CPD: variants seen among roughly 807,000 people sequenced by gnomAD.
CPD encodes the protein metallocarboxypeptidase D.
A neutral mutation model predicts 138.3 loss-of-function variants in CPD; 69 were observed. The observed-to-expected ratio is 0.50, with a 90% CI of 0.41 to 0.61. The LOEUF (loss-of-function observed/expected upper bound fraction) is 0.61, where lower values mean the gene tolerates loss of function less well. CPD is among the 20% of genes least tolerant of loss of function. CPD has a pLI of 0.00. For synonymous variants in CPD, 651 were observed against 642.1 expected (o/e 1.01, Z -0.21); for missense variants, 1,432 against 1,733.3 (o/e 0.83, Z 3.09).
chr17:30,389,623 G>A (rs1403538005), intron 2 of CPD, among the ~76,000 whole-genome samples: 1 of 152,206 alleles, frequency 6.6e-6, no homozygotes, highest in African/African-American at 2.4e-5. Flanking sequence ...GAAGGTAAAT[G>A]TATCTCATAC....
intron 13 of CPD, 43 bp from the exon 14 acceptor site, chr17:30,451,668 C>T (rs1246794754): frequency 6.3e-7 from 1 of 1,593,170 alleles, no homozygotes; most frequent in Non-Finnish European, 8.6e-7. Context: ...CCCATTGATT[C>T]TACATGCAGC....
In CPD at chr17:30,455,366, C is replaced by G. The variant is rs774115299; in HGVS notation, c.3233C>G (p.Ala1078Gly). Residue 1078 changes from alanine (A) to glycine (G), a missense_variant, in exon 15 of 21, where the codon GCC becomes GGC. By Grantham distance (60) the Ala-to-Gly change is moderately conservative. This residue lies in a region of CPD where 366 missense variants were observed against 518.8 expected (regional missense o/e 0.71). Coordinates refer to ENST00000225719, the MANE Select transcript of CPD (RefSeq NM_001304.5). ...AATGCCTCCCAACCTGAGACCAAAG[C>G]CATCATTGAAAATTTGATTCAAAAA... ...TNNASQPETKAIIENLIQKQD... is the reference protein window; with the variant it reads ...TNNASQPETKGIIENLIQKQD... 3.1e-6 allele frequency: 5 copies of G among 1,613,014 alleles called. No individual in the cohort carries two copies. The highest frequency in any genetic ancestry group is 2.2e-5 in the East Asian group (1 of 44,814).
chr17:30,448,977 G>A (rs1567881968), intron 12 of CPD, among the ~76,000 whole-genome samples: 1 of 151,988 alleles, frequency 6.6e-6, no homozygotes, highest in South Asian at 2.1e-4. Context: ...GCATGGTGGT[G>A]CAAACCTGTA....
At chr17:30,433,020 A>G (rs1360028332) in intron 8 of CPD, among the ~76,000 whole-genome samples, 1 of 152,148 alleles carries the variant, frequency 6.6e-6, no homozygotes, top group Non-Finnish European at 1.5e-5. Context: ...TAGTATTGTT[A>G]TTGGTTATAT....
chr17:30,388,263 C>T (rs548862453), intron 2 of CPD, among the ~76,000 whole-genome samples: 2 of 152,314 alleles, frequency 1.3e-5, no homozygotes, highest in South Asian at 2.1e-4. Flanking sequence ...GACTGGCAGC[C>T]TGGCCCCCAG....
chr17:30,434,533 G>T (rs1912649036), intron 8 of CPD, among the ~76,000 whole-genome samples: 1 of 152,102 alleles, frequency 6.6e-6, no homozygotes, highest in Non-Finnish European at 1.5e-5. Flanking sequence ...ACAGGGAAGA[G>T]ATTTCAAAAT....
chr17:30,403,649 T>C (rs1467161011), intron 2 of CPD, among the ~76,000 whole-genome samples: 3 of 152,178 alleles, frequency 2.0e-5, no homozygotes, highest in Non-Finnish European at 4.4e-5. Context: ...ATGAGCAACT[T>C]GTTAGGTGAT....
chr17:30,427,786 T>C (rs879497318), intron 7 of CPD, among the ~76,000 whole-genome samples: 1 of 151,884 alleles, frequency 6.6e-6, no homozygotes, highest in Non-Finnish European at 1.5e-5. Context: ...CTTCTCCTTT[T>C]ACCCCCATCT....
intron 2 of CPD, among the ~76,000 whole-genome samples, chr17:30,386,581 G>A (rs915186203): frequency 1.3e-5 from 2 of 151,956 alleles, no homozygotes; most frequent in Non-Finnish European, 2.9e-5. Flanking sequence ...AACTCGGTAG[G>A]CATTAAATAA....
intron 17 of CPD, among the ~76,000 whole-genome samples, chr17:30,457,539 T>C (rs1345583696): frequency 6.6e-6 from 1 of 152,230 alleles, no homozygotes; most frequent in Non-Finnish European, 1.5e-5. Flanking sequence ...TGTAAGTCTA[T>C]GTTTCACCTT....
chr17:30,385,248 A>AT lies in CPD; in HGVS notation c.994+14dup. ...GTATGATGTGGAAGGTATGCAAAGC[A>AT]TTGAGTTTGCTACATTTTCCCCCTT... On this transcript the variant is annotated intron_variant, in intron 2 of 20. Coordinates refer to ENST00000225719, the MANE Select transcript of CPD (RefSeq NM_001304.5). 1 of 1,612,464 alleles carries AT rather than the reference A, an allele frequency of 6.2e-7. No homozygotes were observed. The highest frequency in any genetic ancestry group is 8.5e-7 in the Non-Finnish European group (1 of 1,178,728).
At chr17:30,462,214 C>A in intron 19 of CPD, 152 bp downstream of exon 19, 1 of 1,061,120 alleles carries the variant, frequency 9.4e-7, no homozygotes, top group Non-Finnish European at 1.4e-6. Flanking sequence ...ATCCTTGTAC[C>A]CCTTGCTAAC....
chr17:30,455,594 C>A, intron 15 of CPD, 124 bp downstream of exon 15: 1 of 1,056,892 alleles, frequency 9.5e-7, no homozygotes, highest in African/African-American at 1.6e-5. Flanking sequence ...AGCAAATTAC[C>A]AACCAAAGAA....
In CPD at chr17:30,466,931, C is replaced by T. The variant is rs1330056154; in HGVS notation, c.*2117C>T. ...TTCCTGAAAGAAAAACCAAATTCTGCTATAAGTCTTGATCTTCAATGAACT... is the reference window on the plus strand; with the variant it reads ...TTCCTGAAAGAAAAACCAAATTCTGTTATAAGTCTTGATCTTCAATGAACT... On this transcript the variant is annotated 3_prime_UTR_variant, in exon 21 of 21. Transcript: ENST00000225719. 1 of 152,454 alleles carries T rather than the reference C, an allele frequency of 6.6e-6. No homozygotes were observed. The highest frequency in any genetic ancestry group is 1.5e-5 in the Non-Finnish European group (1 of 67,994). 9.4% of individuals were successfully genotyped at this position (152,454 alleles called of 1,614,324 possible).
chr17:30,394,754 T>G (rs373004080), intron 2 of CPD, among the ~76,000 whole-genome samples: 2 of 152,222 alleles, frequency 1.3e-5, no homozygotes, highest in South Asian at 2.1e-4. Context: ...GAATTGACCA[T>G]CGTTTAAATA....
chr17:30,410,565 G>C (rs1386456179), intron 2 of CPD, among the ~76,000 whole-genome samples: 2 of 152,284 alleles, frequency 1.3e-5, no homozygotes, highest in African/African-American at 2.4e-5. Flanking sequence ...TATGTATTTA[G>C]GATAGTTAGC....
rs1262073188 is a variant in CPD, at chr17:30,451,781, A to G, written c.3140A>G (p.Lys1047Arg). 1.2e-6 allele frequency: 2 copies of G among 1,614,092 alleles called. No individual in the cohort carries two copies. The highest frequency in any genetic ancestry group is 1.1e-5 in the South Asian group (1 of 91,080). ...GATGGGCGAGAGAGAGCTCAAGAGA[A>G]AGACTGTACTTCAAAAATAGGACAA... ...NPDGRERAQE[K>R]DCTSKIGQTN... Residue 1047 changes from lysine to arginine, a missense_variant, in exon 14 of 21, where the codon AAA (lysine) becomes AGA (arginine). Transcript: ENST00000225719.
At chr17:30,443,661 A>T (rs1912939398) in intron 10 of CPD, 141 bp from the exon 11 acceptor site, 1 of 734,082 alleles carries the variant, frequency 1.4e-6, no homozygotes, top group Admixed American at 3.0e-5. Flanking sequence ...GAACATTTAC[A>T]TTGAACTTTA....
rs148803909 is a variant in CPD at position 30,393,444 on chromosome 17, G to C, written c.994+8208G>C. ...ATTATGAATTAACCCAGTAACACCA[G>C]AAAATTGTAATCTAAAACAAAAAGG... On this transcript the variant is annotated intron_variant, in intron 2 of 20. Coordinates refer to ENST00000225719, the MANE Select transcript of CPD (RefSeq NM_001304.5). 4.6e-4 allele frequency among the ~76,000 whole-genome samples: 70 copies of C among 152,190 alleles called. 1 individual carries two copies. Among genetic ancestry groups the C allele is most frequent in the African/African-American group, 1.7e-3 (70 of 41,530 alleles).
Sources: gnomAD v4.1 joint callset for allele counts (sites outside exome capture counted in the v4.1 genomes callset) on GRCh38, gnomAD v4.1.1 for gene constraint, gnomAD v4.1.1 regional missense constraint, MANE v1.5 for transcripts, NCBI Gene and HGNC (gene_info 2026-07-23, HGNC 2026-07-21) for gene names.